The following FBLN1 variants were observed in gnomAD, a reference collection of about 807,000 sequenced individuals.
The protein encoded by FBLN1 is fibulin-1.
A neutral mutation model predicts 89.7 loss-of-function variants in FBLN1; 34 were observed. That is an observed-to-expected ratio of 0.38 (90% CI 0.29 to 0.50). The LOEUF (loss-of-function observed/expected upper bound fraction) is 0.50. Among genes scored for constraint, FBLN1 ranks in the 20% least tolerant of loss-of-function variants. The pLI is 0.92. For synonymous variants in FBLN1, 393 were observed against 391.3 expected (o/e 1.00, Z -0.05); for missense variants, 777 against 988.1 (o/e 0.79, Z 2.86).
chr22:45,547,609 A>G (rs1297856386), intron 12 of FBLN1, among the ~76,000 whole-genome samples: 1 of 151,884 alleles, frequency 6.6e-6, no homozygotes, highest in Non-Finnish European at 1.5e-5. Context: ...TGTGTTGCCC[A>G]GGCTGGTCTC....
chr22:45,565,958 AG>A (rs1218105678), intron 14 of FBLN1: 3 of 154,030 alleles, frequency 1.9e-5, no homozygotes, highest in Middle Eastern at 2.8e-3. Context: ...GCTACTCAGG[AG>A]GCTGAGGCAG....
At position 45,576,672 on chromosome 22, in the gene FBLN1, T is replaced by A. The variant is rs2088999902; in HGVS notation, c.1841-305T>A. On this transcript the variant is annotated intron_variant, in intron 15 of 16. Coordinates refer to ENST00000327858, the MANE Select transcript of FBLN1 (RefSeq NM_006486.3). The surrounding 1 kb of genome is among the most constrained non-coding windows in gnomAD (Gnocchi z 5.2). Reference sequence around the variant, plus strand: ...CTCCTCTGGTCCCCACCTTCATGAATATGCACAGTGACTGATGACTTCTCA... The same window carrying A: ...CTCCTCTGGTCCCCACCTTCATGAAAATGCACAGTGACTGATGACTTCTCA... Among the ~76,000 whole-genome samples the A allele has an allele frequency of 6.6e-6, 1 of 152,114 alleles. No homozygotes were observed. Among genetic ancestry groups the A allele is most frequent in the Non-Finnish European group, 1.5e-5 (1 of 68,010 alleles).
chr22:45,543,417 G>A lies in FBLN1; in HGVS notation c.1212G>A (p.Gln404=). Residue 404 remains glutamine (Q), a synonymous_variant, in exon 11 of 17, where the codon CAG becomes CAA. Coordinates refer to ENST00000327858, the MANE Select transcript of FBLN1 (RefSeq NM_006486.3). ...SRMCVDVNEC[Q]RYPGRLCGHK... is the part of the protein sequence containing the mutation. ...CACTTTCAGATGTCAACGAGTGCCA[G>A]CGCTACCCCGGGCGCCTGTGTGGCC... is the stretch of plus-strand genomic sequence containing the variant. 3 of 1,613,236 alleles carry A rather than the reference G, an allele frequency of 1.9e-6. No individual in the cohort carries two copies. Among genetic ancestry groups the A allele is most frequent in the Non-Finnish European group, 2.5e-6 (3 of 1,180,002 alleles).
Position 45,531,875 on chromosome 22 carries a change from CA to C in FBLN1, c.544+552del, listed in dbSNP as rs1246120976. On this transcript the variant is annotated intron_variant, in intron 5 of 16. Coordinates refer to ENST00000327858, the MANE Select transcript of FBLN1 (RefSeq NM_006486.3). The surrounding 1 kb of genome is among the most constrained non-coding windows in gnomAD (Gnocchi z 4.9). The stretch of plus-strand genomic sequence containing the variant: ...GTGACAGAGGCCTCCCTCAGGCTCT[CA>C]GGGGAGAGGAGGGGGCTCAGCGTTC... Among the ~76,000 whole-genome samples, 3 of 152,236 alleles carry C rather than the reference CA, an allele frequency of 2.0e-5. No homozygotes were observed. The highest frequency in any genetic ancestry group is 7.2e-5 in the African/African-American group (3 of 41,452).
intron 8 of FBLN1, among the ~76,000 whole-genome samples, chr22:45,541,013 A>G (rs551139605): frequency 2.0e-5 from 3 of 152,228 alleles, no homozygotes; most frequent in African/African-American, 4.8e-5. Flanking sequence ...AGGGACAGGA[A>G]GAAGGGCCAG....
chr22:45,523,308 A>T (rs1407721946), intron 2 of FBLN1: 1 of 591,608 alleles, frequency 1.7e-6, no homozygotes, highest in African/African-American at 1.8e-5. Flanking sequence ...TGAGGGGGCC[A>T]TGAGATAGAG....
At chr22:45,587,880 A>G (rs1000717422) in intron 16 of FBLN1, among the ~76,000 whole-genome samples, 1 of 151,992 alleles carries the variant, frequency 6.6e-6, no homozygotes, top group South Asian at 2.1e-4. Flanking sequence ...CCACATGCAG[A>G]GTGTGCAGCT....
At chr22:45,538,977 C>T (rs540605816) in intron 8 of FBLN1, among the ~76,000 whole-genome samples, 90 of 152,112 alleles carry the variant, frequency 5.9e-4, no homozygotes, top group African/African-American at 2.0e-3. Flanking sequence ...GTTGGGTCAC[C>T]GAGGGCTTTG....
intron 1 of FBLN1, among the ~76,000 whole-genome samples, chr22:45,511,156 C>CA: frequency 8.4e-6 from 1 of 119,120 alleles, no homozygotes; most frequent in East Asian, 3.7e-4. Flanking sequence ...AATCTTCCCC[C>CA]ATTTTTTTTT....
intron 8 of FBLN1, among the ~76,000 whole-genome samples, chr22:45,538,014 C>G (rs2088505175): frequency 6.6e-6 from 1 of 152,244 alleles, no homozygotes; most frequent in Non-Finnish European, 1.5e-5. Context: ...CTCAACCTAG[C>G]CCTGACTTTC....
At chr22:45,570,127 C>T (rs1240587464) in intron 14 of FBLN1, among the ~76,000 whole-genome samples, 1 of 151,448 alleles carries the variant, frequency 6.6e-6, no homozygotes, top group African/African-American at 2.4e-5. Context: ...CGAGACCACC[C>T]TGGCCAACAT....
At chr22:45,505,801 C>T (rs1602154848) in intron 1 of FBLN1, among the ~76,000 whole-genome samples, 1 of 152,100 alleles carries the variant, frequency 6.6e-6, no homozygotes, top group Non-Finnish European at 1.5e-5. Context: ...GACGGAGTTT[C>T]GCTCTTGTCG....
At position 45,600,830 on chromosome 22, in the gene FBLN1, C is replaced by A; in HGVS notation, c.*384C>A. On this transcript the variant is annotated 3_prime_UTR_variant, in exon 17 of 17. Coordinates refer to ENST00000327858, the MANE Select transcript of FBLN1 (RefSeq NM_006486.3). The stretch of plus-strand genomic sequence containing the variant: ...GATTGTATGAAATTTGACATTTTGG[C>A]ACTTTTTTTTTTTTTTTGGCCAATC... 2 of 294,242 alleles carry A rather than the reference C, an allele frequency of 6.8e-6. No individual in the cohort carries two copies. Among genetic ancestry groups the A allele is most frequent in the Non-Finnish European group, 1.3e-5 (2 of 153,896 alleles). The allele number at this position is 294,242 out of a possible 1,614,324, so 18.2% of individuals were successfully genotyped here. A position where few individuals can be genotyped will look rare whatever the true frequency, so the allele number is the denominator to read the frequency against.
chr22:45,517,383 C>T (rs779527060), intron 1 of FBLN1: 17 of 348,542 alleles, frequency 4.9e-5, no homozygotes, highest in African/African-American at 1.1e-4. Context: ...GGCACCCGGC[C>T]GCTCCTCCCT....
chr22:45,562,913 C>A lies in FBLN1; in HGVS notation c.1698-11598C>A. On this transcript the variant is annotated intron_variant, in intron 14 of 16. Coordinates refer to ENST00000327858, the MANE Select transcript of FBLN1 (RefSeq NM_006486.3). The surrounding 1 kb of genome is among the most constrained non-coding windows in gnomAD (Gnocchi z 7.8). ...TCTCTCTGCCCACTTTTCTTGCAGC[C>A]GCTGTGAGCGCTTGCCTTGCCATGA... is the stretch of plus-strand genomic sequence containing the variant. 6.2e-7 allele frequency: 1 copy of A among 1,613,724 alleles called. No homozygotes were observed. The highest frequency in any genetic ancestry group is 8.5e-7 in the Non-Finnish European group (1 of 1,179,992).
At chr22:45,596,346 G>A (rs2089186046) in intron 16 of FBLN1, among the ~76,000 whole-genome samples, 1 of 152,174 alleles carries the variant, frequency 6.6e-6, no homozygotes, top group African/African-American at 2.4e-5. Context: ...CACTGCATGA[G>A]CACTTTCTTC....
Position 45,576,688 on chromosome 22 carries a change from T to C in FBLN1, c.1841-289T>C, listed in dbSNP as rs949356509. Among the ~76,000 whole-genome samples the C allele has an allele frequency of 6.6e-6, 1 of 152,168 alleles. No homozygotes were observed. Among genetic ancestry groups the C allele is most frequent in the African/African-American group, 2.4e-5 (1 of 41,424 alleles). On this transcript the variant is annotated intron_variant, in intron 15 of 16. Transcript: ENST00000327858. The surrounding 1 kb of genome is among the most constrained non-coding windows in gnomAD (Gnocchi z 5.2). ...CTTCATGAATATGCACAGTGACTGA[T>C]GACTTCTCACCAGCCCTTCCTCTGA... is the stretch of plus-strand genomic sequence containing the variant.
intron 2 of FBLN1, among the ~76,000 whole-genome samples, chr22:45,519,962 G>A (rs2088227146): frequency 6.6e-6 from 1 of 152,128 alleles, no homozygotes; most frequent in Non-Finnish European, 1.5e-5. Context: ...CTGATGTCAG[G>A]AGTTCCAGAC....
rs192260451 is a variant in FBLN1 at position 45,588,410 on chromosome 22, T to C, written c.1972+11302T>C. ...GTTGTGGCATTGGGAGTTTCTTCGCTTGACTTTCAATTCCACCAAACAATT... is the reference window on the plus strand; with the variant it reads ...GTTGTGGCATTGGGAGTTTCTTCGCCTGACTTTCAATTCCACCAAACAATT... On this transcript the variant is annotated intron_variant, in intron 16 of 16. Coordinates refer to ENST00000327858, the MANE Select transcript of FBLN1 (RefSeq NM_006486.3). The surrounding 1 kb of genome is among the most constrained non-coding windows in gnomAD (Gnocchi z 5.1). 2.0e-5 allele frequency among the ~76,000 whole-genome samples: 3 copies of C among 152,332 alleles called. No homozygotes were observed. The East Asian group carries it at 5.8e-4, about 29-fold the overall frequency.
Sources: gnomAD v4.1 joint callset for allele counts (sites outside exome capture counted in the v4.1 genomes callset) on GRCh38, gnomAD v4.1.1 for gene constraint, Gnocchi (gnomAD v3.1) non-coding constraint, MANE v1.5 for transcripts, NCBI Gene and HGNC (gene_info 2026-07-23, HGNC 2026-07-21) for gene names.